ARHGAP19: variants seen among roughly 807,000 people sequenced by gnomAD.
ARHGAP19 encodes rho GTPase-activating protein 19.
ARHGAP19 carries 48 observed loss-of-function variants against 60.9 expected under a neutral mutation model. The observed-to-expected ratio is 0.79, with a 90% CI of 0.62 to 1.00. The LOEUF (loss-of-function observed/expected upper bound fraction) is 1.00. Among genes scored for constraint, ARHGAP19 ranks in the 50% least tolerant of loss-of-function variants. The probability of loss-of-function intolerance (pLI) is 0.00; values close to 1 mark genes in which losing one functional copy is unlikely to be tolerated. For missense variants in ARHGAP19, 562 were observed against 597.2 expected, an observed-to-expected ratio of 0.94 and a Z score of 0.61; for synonymous variants, 209 against 215.5, an observed-to-expected ratio of 0.97 and a Z score of 0.27.
rs1455002557 is a variant in ARHGAP19, at chr10:97,225,106, C to T, written c.*1016G>A. On this transcript the variant is annotated 3_prime_UTR_variant, in exon 12 of 12. Coordinates refer to ENST00000358531, the MANE Select transcript of ARHGAP19 (RefSeq NM_032900.6). Reference sequence around the variant, plus strand: ...CCTCAGAGGGTGCAATGTAATCCCACCCATAAAGAGTCATCCTGGGACATA... The same window carrying T: ...CCTCAGAGGGTGCAATGTAATCCCATCCATAAAGAGTCATCCTGGGACATA... 2 of 152,238 alleles carry T rather than the reference C, an allele frequency of 1.3e-5. No homozygotes were observed. Among genetic ancestry groups the T allele is most frequent in the Admixed American group, 6.5e-5 (1 of 15,282 alleles). The allele number at this position is 152,238 out of a possible 1,614,324, so 9.4% of individuals were successfully genotyped here. A position where few individuals can be genotyped will look rare whatever the true frequency, so the allele number is the denominator to read the frequency against.
At chr10:97,266,737 TGGCAGCA>T (rs1380048184) in intron 1 of ARHGAP19, among the ~76,000 whole-genome samples, 2 of 152,136 alleles carry the variant, frequency 1.3e-5, no homozygotes, top group African/African-American at 2.4e-5. Flanking sequence ...ACATCTTACA[TGGCAGCA>T]GGCAAGAGAG....
chr10:97,238,362 G>A (rs1842414688), intron 8 of ARHGAP19, among the ~76,000 whole-genome samples: 1 of 152,094 alleles, frequency 6.6e-6, no homozygotes, highest in Non-Finnish European at 1.5e-5. Flanking sequence ...TAGGACTACA[G>A]GCACACACTA....
intron 1 of ARHGAP19, among the ~76,000 whole-genome samples, chr10:97,287,251 G>A (rs1194186440): frequency 6.6e-6 from 1 of 152,100 alleles, no homozygotes; most frequent in Admixed American, 6.6e-5. Flanking sequence ...ATGCCTGGCA[G>A]TGGATATTTT....
At chr10:97,292,507 C>T in intron 1 of ARHGAP19, 65 bp downstream of exon 1, 1 of 1,588,264 alleles carries the variant, frequency 6.3e-7, no homozygotes, top group Non-Finnish European at 8.6e-7. Context: ...TGACCCAAGG[C>T]AAAGGCGGCA....
chr10:97,267,922 T>C (rs1461490680), intron 1 of ARHGAP19, among the ~76,000 whole-genome samples: 1 of 152,270 alleles, frequency 6.6e-6, no homozygotes, highest in Non-Finnish European at 1.5e-5. Flanking sequence ...GTCTCTGGCA[T>C]GTCCTGGAGA....
At chr10:97,253,456 G>A (rs1007231511) in intron 6 of ARHGAP19, among the ~76,000 whole-genome samples, 2 of 152,070 alleles carry the variant, frequency 1.3e-5, no homozygotes, top group African/African-American at 4.8e-5. Flanking sequence ...TCTCATAGAG[G>A]TAGGGAGTAG....
intron 1 of ARHGAP19, among the ~76,000 whole-genome samples, chr10:97,281,359 C>A (rs1843084056): frequency 6.6e-6 from 1 of 152,148 alleles, no homozygotes; most frequent in African/African-American, 2.4e-5. Flanking sequence ...TGTGTTCTTG[C>A]CCCTGCACGC....
At chr10:97,229,727 T>TACAG (rs757316842) in intron 10 of ARHGAP19, 37 bp downstream of exon 10, 3 of 1,451,778 alleles carry the variant, frequency 2.1e-6, no homozygotes, top group Non-Finnish European at 2.9e-6. Context: ...TACAAATATA[T>TACAG]ACAGACAGAC....
At position 97,259,792 on chromosome 10, in the gene ARHGAP19, T is replaced by C. The variant is rs183077555; in HGVS notation, c.614-164A>G. 3.7e-3 allele frequency among the ~76,000 whole-genome samples: 563 copies of C among 151,862 alleles called. 4 individuals carry two copies. The highest frequency in any genetic ancestry group is 0.013 in the African/African-American group (527 of 41,458). ...ACAGCAAAACATAATAACAAAATAA[T>C]GTCAATGCAATTCAACAATAAAAAG... is the stretch of plus-strand genomic sequence containing the variant. On this transcript the variant is annotated intron_variant, in intron 4 of 11. Transcript: ENST00000358531.
intron 4 of ARHGAP19, among the ~76,000 whole-genome samples, chr10:97,262,210 TA>T (rs1842839665): frequency 4.8e-5 from 7 of 147,140 alleles, no homozygotes; most frequent in Non-Finnish European, 6.0e-5. Flanking sequence ...TTTTTTTTTT[TA>T]AATCAGTAAC....
At chr10:97,259,211 A>AT (rs1842794959) in intron 5 of ARHGAP19, among the ~76,000 whole-genome samples, 191 bp downstream of exon 5, 1 of 152,222 alleles carries the variant, frequency 6.6e-6, no homozygotes, top group South Asian at 2.1e-4. Context: ...AGATTGATTT[A>AT]TAAGTGAGGT....
intron 8 of ARHGAP19, 145 bp downstream of exon 8, chr10:97,243,823 G>C: frequency 2.8e-6 from 2 of 706,618 alleles, no homozygotes; most frequent in East Asian, 2.7e-5. Flanking sequence ...CAATGGCACA[G>C]AGATCACTGT....
At chr10:97,252,629 AT>A (rs1842701484) in intron 6 of ARHGAP19, among the ~76,000 whole-genome samples, 1 of 152,118 alleles carries the variant, frequency 6.6e-6, no homozygotes. Flanking sequence ...TCTCAAAAAA[AT>A]AAATAAATAA....
At chr10:97,226,639 G>A (rs1850901465) in intron 11 of ARHGAP19, among the ~76,000 whole-genome samples, 3 of 152,210 alleles carry the variant, frequency 2.0e-5, no homozygotes, top group Non-Finnish European at 2.9e-5. Context: ...GAGAAGAACA[G>A]GAGACAGAAG....
rs145919773 is a variant in ARHGAP19 at position 97,267,870 on chromosome 10, T to A, written c.57-1745A>T. ...GCCCAGCCCACAACATCATTTTTCC[T>A]TGTACGCCTCCAGGCCTGTGATGGG... On this transcript the variant is annotated intron_variant, in intron 1 of 11. Coordinates refer to ENST00000358531, the MANE Select transcript of ARHGAP19 (RefSeq NM_032900.6). Among the ~76,000 whole-genome samples the A allele has an allele frequency of 5.0e-3, 764 of 152,350 alleles. 5 individuals carry two copies. The highest frequency in any genetic ancestry group is 9.1e-3 in the Admixed American group (140 of 15,310).
intron 1 of ARHGAP19, among the ~76,000 whole-genome samples, chr10:97,268,387 T>C (rs1842924244): frequency 6.6e-6 from 1 of 152,220 alleles, no homozygotes; most frequent in Non-Finnish European, 1.5e-5. Context: ...CCTCTGCCTG[T>C]TACTCAGTTC....
At chr10:97,257,282 C>CT (rs34047177) in intron 5 of ARHGAP19, among the ~76,000 whole-genome samples, 27 of 81,546 alleles carry the variant, frequency 3.3e-4, no homozygotes, top group African/African-American at 7.9e-4. Flanking sequence ...CTTTTAAATA[C>CT]TTTTTTTTTT....
intron 6 of ARHGAP19, among the ~76,000 whole-genome samples, chr10:97,252,896 T>G (rs78204995): frequency 0.043 from 6,578 of 152,184 alleles, 211 homozygotes; most frequent in Non-Finnish European, 0.061. Context: ...AGATATGTAA[T>G]CAACGTAAGT....
At chr10:97,230,713 G>T (rs748669799) in intron 9 of ARHGAP19, among the ~76,000 whole-genome samples, 5 of 152,072 alleles carry the variant, frequency 3.3e-5, no homozygotes, top group Non-Finnish European at 7.4e-5. Context: ...AGCCAAAAAA[G>T]GGATCCAGAC....
Sources: gnomAD v4.1 joint callset for allele counts (sites outside exome capture counted in the v4.1 genomes callset) on GRCh38, gnomAD v4.1.1 for gene constraint, MANE v1.5 for transcripts, NCBI Gene and HGNC (gene_info 2026-07-23, HGNC 2026-07-21) for gene names.